ARHGAP15: variants seen among roughly 807,000 people sequenced by gnomAD.
The protein encoded by ARHGAP15 is Rho GTPase activating protein 15, also known as rho GTPase-activating protein 15.
In ARHGAP15, 51 loss-of-function variants were observed where a neutral mutation model predicts 63.7. That is an observed-to-expected ratio of 0.80 (90% CI 0.64 to 1.01). ARHGAP15 has a LOEUF of 1.01. ARHGAP15 is among the 50% of genes least tolerant of loss of function. ARHGAP15 has a pLI of 0.00. For missense variants in ARHGAP15, 560 were observed against 564.6 expected (o/e 0.99, Z 0.08); for synonymous variants, 191 against 193.8 (o/e 0.99, Z 0.12).
chr2:143,391,239 T>C (rs898699222), intron 6 of ARHGAP15, among the ~76,000 whole-genome samples: 1 of 152,226 alleles, frequency 6.6e-6, no homozygotes, highest in African/African-American at 2.4e-5. Context: ...TACAAAAATG[T>C]AGTTGATAAT....
chr2:143,343,077 A>C (rs1469215162), intron 6 of ARHGAP15, among the ~76,000 whole-genome samples: 1 of 152,118 alleles, frequency 6.6e-6, no homozygotes, highest in East Asian at 1.9e-4. Context: ...AACAAGCTTC[A>C]TAAGTATTTA....
intron 6 of ARHGAP15, among the ~76,000 whole-genome samples, chr2:143,387,726 C>G (rs1687348662): frequency 6.6e-6 from 1 of 151,802 alleles, no homozygotes; most frequent in Non-Finnish European, 1.5e-5. Context: ...AACACAGCTA[C>G]TGATCTTTAT....
chr2:143,606,035 C>CAAAGA (rs1697999566), intron 11 of ARHGAP15, among the ~76,000 whole-genome samples: 1 of 22,862 alleles, frequency 4.4e-5, no homozygotes, highest in Non-Finnish European at 7.0e-5. Flanking sequence ...GACTCTGTCT[C>CAAAGA]AAAAAAAAAA....
At position 143,627,444 on chromosome 2, in the gene ARHGAP15, G is replaced by A. The variant is rs77078118; in HGVS notation, c.1138+3177G>A. On this transcript the variant is annotated intron_variant, in intron 12 of 13. Transcript: ENST00000295095. ...ATATTTAAATATTCTTAAGCAATGAGAGAATGGCCACCTAGATCCTTGGCA... is the reference window on the plus strand; with the variant it reads ...ATATTTAAATATTCTTAAGCAATGAAAGAATGGCCACCTAGATCCTTGGCA... 5.9e-3 allele frequency among the ~76,000 whole-genome samples: 897 copies of A among 152,236 alleles called. 6 individuals carry two copies. Among genetic ancestry groups the A allele is most frequent in the Middle Eastern group, 0.054 (16 of 294 alleles).
intron 13 of ARHGAP15, among the ~76,000 whole-genome samples, chr2:143,706,907 TA>T (rs1380216741): frequency 6.6e-6 from 1 of 152,138 alleles, no homozygotes; most frequent in African/African-American, 2.4e-5. Context: ...ACTGTCTCTA[TA>T]AAATACAAGT....
At chr2:143,657,836 G>A (rs1308721021) in intron 12 of ARHGAP15, among the ~76,000 whole-genome samples, 5 of 152,048 alleles carry the variant, frequency 3.3e-5, no homozygotes, top group Non-Finnish European at 7.4e-5. Flanking sequence ...TCCTATTGTG[G>A]CCTTGGGACA....
intron 2 of ARHGAP15, among the ~76,000 whole-genome samples, chr2:143,195,990 G>T (rs963061394): frequency 6.6e-6 from 1 of 151,902 alleles, no homozygotes; most frequent in African/African-American, 2.4e-5. Flanking sequence ...AAATGAAAAA[G>T]GGATGGAAGA....
intron 2 of ARHGAP15, among the ~76,000 whole-genome samples, chr2:143,156,061 T>A (rs866727819): frequency 6.7e-5 from 10 of 148,170 alleles, no homozygotes; most frequent in East Asian, 5.9e-4. Flanking sequence ...AAAAAAAAAA[T>A]GTGAAAATCT....
chr2:143,307,741 TGA>T, intron 6 of ARHGAP15, among the ~76,000 whole-genome samples: 1 of 152,274 alleles, frequency 6.6e-6, no homozygotes, highest in African/African-American at 2.4e-5. Context: ...GACTTAGGAC[TGA>T]GAGAGCTGAA....
intron 8 of ARHGAP15, among the ~76,000 whole-genome samples, chr2:143,445,704 A>G (rs1373745197): frequency 2.6e-5 from 4 of 152,140 alleles, no homozygotes; most frequent in Non-Finnish European, 5.9e-5. Context: ...TTTAGGACTC[A>G]GCCCAGATCA....
chr2:143,480,598 AG>A (rs1223472199), intron 8 of ARHGAP15: 1 of 152,210 alleles, frequency 6.6e-6, no homozygotes, highest in Non-Finnish European at 1.5e-5. Context: ...GTTTTGAGCA[AG>A]TCACTTAAAG....
intron 9 of ARHGAP15, among the ~76,000 whole-genome samples, chr2:143,501,691 A>G (rs188266371): frequency 3.3e-5 from 5 of 152,362 alleles, no homozygotes; most frequent in Admixed American, 6.5e-5. Flanking sequence ...GAAGAAAAAT[A>G]ACATTGGTTA....
At chr2:143,153,501 A>G (rs1689918040) in intron 1 of ARHGAP15, among the ~76,000 whole-genome samples, 1 of 152,004 alleles carries the variant, frequency 6.6e-6, no homozygotes, top group African/African-American at 2.4e-5. Context: ...CAATTGCTAA[A>G]ACAACTTTTC....
chr2:143,375,087 G>A (rs893405082), intron 6 of ARHGAP15, among the ~76,000 whole-genome samples: 1 of 152,118 alleles, frequency 6.6e-6, no homozygotes, highest in African/African-American at 2.4e-5. Flanking sequence ...TCACAGATGT[G>A]GACATTAAAA....
intron 6 of ARHGAP15, among the ~76,000 whole-genome samples, chr2:143,279,153 G>T (rs892528601): frequency 6.6e-6 from 1 of 152,110 alleles, no homozygotes; most frequent in Non-Finnish European, 1.5e-5. Context: ...ATATGTAAAA[G>T]ATGTTATTAT....
intron 13 of ARHGAP15, among the ~76,000 whole-genome samples, chr2:143,706,901 T>C (rs1684352320): frequency 1.3e-5 from 2 of 152,234 alleles, no homozygotes; most frequent in South Asian, 4.1e-4. Context: ...GGCAAAACTG[T>C]CTCTATAAAA....
Position 143,768,281 on chromosome 2 carries a change from C to A in ARHGAP15, c.*109C>A. ...TTTTTTGCCTTTCAAGCGACAGATG[C>A]CTCATTTTGTGAAAACTTAATGATG... On this transcript the variant is annotated 3_prime_UTR_variant, in exon 14 of 14. Coordinates refer to ENST00000295095, the MANE Select transcript of ARHGAP15 (RefSeq NM_018460.4). The A allele has an allele frequency of 9.7e-7, 1 of 1,031,726 alleles. No individual in the cohort carries two copies. Among genetic ancestry groups the A allele is most frequent in the East Asian group, 2.6e-5 (1 of 37,980 alleles). The allele number at this position is 1,031,726 out of a possible 1,614,324, so 63.9% of individuals were successfully genotyped here. A position where few individuals can be genotyped will look rare whatever the true frequency, so the allele number is the denominator to read the frequency against.
intron 10 of ARHGAP15, among the ~76,000 whole-genome samples, chr2:143,552,374 T>C (rs1695602729): frequency 2.0e-5 from 3 of 152,204 alleles, no homozygotes; most frequent in African/African-American, 7.2e-5. Context: ...TGTCAAAAAC[T>C]GTCCATATTT....
intron 6 of ARHGAP15, among the ~76,000 whole-genome samples, chr2:143,340,742 G>A (rs1425935810): frequency 6.6e-6 from 1 of 151,966 alleles, no homozygotes; most frequent in Non-Finnish European, 1.5e-5. Flanking sequence ...CAACTTTGGT[G>A]GCAAGATTTG....
Sources: allele counts gnomAD v4.1 joint callset (sites outside exome capture counted in the v4.1 genomes callset), GRCh38; gene constraint gnomAD v4.1.1; transcripts MANE v1.5; gene names NCBI Gene and HGNC (gene_info 2026-07-23, HGNC 2026-07-21).